Variants in PRMT3 observed in about 807,000 individuals in gnomAD.
PRMT3 encodes the protein protein arginine N-methyltransferase 3.
PRMT3 carries 62 observed loss-of-function variants against 71.9 expected under a neutral mutation model. That is an observed-to-expected ratio of 0.86 (90% CI 0.70 to 1.07). The LOEUF (loss-of-function observed/expected upper bound fraction) is 1.07, where lower values mean the gene tolerates loss of function less well. Among genes scored for constraint, PRMT3 ranks in the 50% least tolerant of loss-of-function variants. PRMT3 has a pLI of 0.00. For synonymous variants in PRMT3, 213 were observed against 220.4 expected, an observed-to-expected ratio of 0.97 and a Z score of 0.30; for missense variants, 663 against 643.0, an observed-to-expected ratio of 1.03 and a Z score of -0.34.
In PRMT3 at chr11:20,437,621, G is replaced by A. The variant is rs181684887; in HGVS notation, c.993+10756G>A. Among the ~76,000 whole-genome samples the A allele has an allele frequency of 2.2e-3, 328 of 151,742 alleles. 1 individual carries two copies. The highest frequency in any genetic ancestry group is 6.4e-3 in the African/African-American group (266 of 41,404). On this transcript the variant is annotated intron_variant, in intron 10 of 15. Coordinates refer to ENST00000331079, the MANE Select transcript of PRMT3 (RefSeq NM_005788.4). ...GTTGTTATTTTTGAGACGGAGTCTCGCTCTGTTGCCCAGGCTGGAGTGCAG... is the reference window on the plus strand; with the variant it reads ...GTTGTTATTTTTGAGACGGAGTCTCACTCTGTTGCCCAGGCTGGAGTGCAG...
At chr11:20,414,703 G>A (rs1014336422) in intron 9 of PRMT3, among the ~76,000 whole-genome samples, 1 of 152,044 alleles carries the variant, frequency 6.6e-6, no homozygotes, top group Non-Finnish European at 1.5e-5. Flanking sequence ...TTAGGAGAAG[G>A]TTGATCCATC....
chr11:20,426,893 C>T, intron 10 of PRMT3, 28 bp downstream of exon 10: 1 of 1,502,966 alleles, frequency 6.7e-7, no homozygotes, highest in Non-Finnish European at 8.8e-7. Context: ...AAACTACTTT[C>T]ACTGGTAAAA....
intron 13 of PRMT3, among the ~76,000 whole-genome samples, chr11:20,477,789 T>C (rs1850828686): frequency 6.8e-6 from 1 of 146,030 alleles, no homozygotes; most frequent in African/African-American, 2.6e-5. Flanking sequence ...CAGAAGGTTT[T>C]GGCTTAGGAG....
rs1851279921 is a variant in PRMT3, at chr11:20,494,191, A to G, written c.1423A>G (p.Ser475Gly). 1.2e-6 allele frequency: 2 copies of G among 1,611,350 alleles called. No individual in the cohort carries two copies. The highest frequency in any genetic ancestry group is 1.7e-6 in the Non-Finnish European group (2 of 1,177,518). ...GGTCGTGTTCTCTACGGGCCCTCAG[A>G]GCACCAAAACACACTGGAAACAAAC... is the stretch of plus-strand genomic sequence containing the variant. ...NRVVFSTGPQ[S>G]TKTHWKQTVF... The change falls in exon 15 of 16, where the codon AGC (serine) becomes GGC (glycine). Residue 475 changes from serine to glycine, a missense_variant. By Grantham distance (56) the Ser-to-Gly change is moderately conservative. Coordinates refer to ENST00000331079, the MANE Select transcript of PRMT3 (RefSeq NM_005788.4).
chr11:20,414,273 A>G (rs917232497), intron 9 of PRMT3, among the ~76,000 whole-genome samples: 1 of 152,152 alleles, frequency 6.6e-6, no homozygotes, highest in East Asian at 1.9e-4. Context: ...TGAGTTTAGA[A>G]TTGGATACAT....
At chr11:20,477,936 A>G (rs1165740308) in intron 13 of PRMT3, among the ~76,000 whole-genome samples, 1 of 152,032 alleles carries the variant, frequency 6.6e-6, no homozygotes, top group African/African-American at 2.4e-5. Context: ...AGGGAACTAT[A>G]CTAGTGTACC....
At chr11:20,498,761 G>A (rs1029234718) in intron 15 of PRMT3, among the ~76,000 whole-genome samples, 3 of 152,274 alleles carry the variant, frequency 2.0e-5, no homozygotes, top group African/African-American at 4.8e-5. Flanking sequence ...ATCAAAAACT[G>A]TGTAGGAAAG....
At chr11:20,452,675 A>G (rs768856071) in intron 11 of PRMT3, among the ~76,000 whole-genome samples, 6 of 152,210 alleles carry the variant, frequency 3.9e-5, no homozygotes, top group Non-Finnish European at 8.8e-5. Context: ...AATGAGTTTT[A>G]AAAGTGCCAC....
At chr11:20,395,699 A>G (rs372364502) in intron 5 of PRMT3, 104 bp from the exon 6 acceptor site, 6 of 1,105,156 alleles carry the variant, frequency 5.4e-6, no homozygotes, top group African/African-American at 4.8e-5. Context: ...ATCTTTCTCA[A>G]TTGGCCACAT....
chr11:20,457,990 G>A (rs1033230406), intron 11 of PRMT3, among the ~76,000 whole-genome samples: 2 of 152,054 alleles, frequency 1.3e-5, no homozygotes, highest in Non-Finnish European at 2.9e-5. Context: ...AATGAATGAT[G>A]GGGAAATGAG....
chr11:20,432,840 TTA>T (rs1390815938), intron 10 of PRMT3, among the ~76,000 whole-genome samples: 1 of 152,182 alleles, frequency 6.6e-6, no homozygotes, highest in Non-Finnish European at 1.5e-5. Flanking sequence ...TGCTGGCCTT[TTA>T]TATGTCTTCT....
intron 10 of PRMT3, among the ~76,000 whole-genome samples, chr11:20,427,944 A>G (rs545317666): frequency 3.3e-5 from 5 of 152,356 alleles, no homozygotes; most frequent in African/African-American, 7.2e-5. Context: ...GAATAAACAT[A>G]GTTATAATCC....
At chr11:20,481,093 T>C (rs756844618) in intron 13 of PRMT3, among the ~76,000 whole-genome samples, 3 of 152,156 alleles carry the variant, frequency 2.0e-5, no homozygotes, top group Non-Finnish European at 2.9e-5. Flanking sequence ...GCTGACACTT[T>C]AACAAAGCAT....
At chr11:20,448,635 A>G (rs943153840) in intron 10 of PRMT3, among the ~76,000 whole-genome samples, 11 of 152,082 alleles carry the variant, frequency 7.2e-5, no homozygotes, top group African/African-American at 2.2e-4. Context: ...AACTAAAAAA[A>G]GTTAGAAAGG....
At chr11:20,498,518 C>T (rs1459251183) in intron 15 of PRMT3, among the ~76,000 whole-genome samples, 1 of 152,182 alleles carries the variant, frequency 6.6e-6, no homozygotes, top group Non-Finnish European at 1.5e-5. Context: ...TGCCTGAGCT[C>T]AGGAGTTCGA....
intron 13 of PRMT3, among the ~76,000 whole-genome samples, chr11:20,491,329 G>A (rs1014831002): frequency 6.6e-6 from 1 of 152,128 alleles, no homozygotes; most frequent in African/African-American, 2.4e-5. Context: ...CTCAGAGGTG[G>A]CTTGTCTTTT....
At chr11:20,485,671 G>A (rs1002928847) in intron 13 of PRMT3, among the ~76,000 whole-genome samples, 1 of 152,022 alleles carries the variant, frequency 6.6e-6, no homozygotes, top group East Asian at 1.9e-4. Flanking sequence ...TGAGACAGAG[G>A]GAAGGGCAAG....
At chr11:20,497,694 G>T (rs1168814230) in intron 15 of PRMT3, among the ~76,000 whole-genome samples, 1 of 152,190 alleles carries the variant, frequency 6.6e-6, no homozygotes, top group Non-Finnish European at 1.5e-5. Context: ...ATGTGTATAT[G>T]TAGGATTAAA....
At chr11:20,408,632 T>G (rs1849124458) in intron 9 of PRMT3, among the ~76,000 whole-genome samples, 1 of 152,198 alleles carries the variant, frequency 6.6e-6, no homozygotes, top group South Asian at 2.1e-4. Context: ...GAGAAGGCCT[T>G]TATTTGAAAT....
Sources: allele counts gnomAD v4.1 joint callset (sites outside exome capture counted in the v4.1 genomes callset), GRCh38; gene constraint gnomAD v4.1.1; transcripts MANE v1.5; gene names NCBI Gene and HGNC (gene_info 2026-07-23, HGNC 2026-07-21).